Variants in BIVM observed in about 807,000 individuals in gnomAD.
BIVM encodes the protein basic, immunoglobulin-like variable motif containing, also known as basic immunoglobulin-like variable motif-containing protein.
In BIVM, 31 loss-of-function variants were observed where a neutral mutation model predicts 61.4. That is an observed-to-expected ratio of 0.51 (90% CI 0.38 to 0.68). The LOEUF is 0.68. Ranked by LOEUF, BIVM falls within the 30% of genes least tolerant of loss-of-function variation. The pLI is 0.00. For synonymous variants in BIVM, 189 were observed against 210.7 expected, an observed-to-expected ratio of 0.90 and a Z score of 0.89; for missense variants, 526 against 596.0, an observed-to-expected ratio of 0.88 and a Z score of 1.22.
chr13:102,804,229 C>T (rs1245798720), intron 1 of BIVM, among the ~76,000 whole-genome samples: 2 of 152,200 alleles, frequency 1.3e-5, no homozygotes, highest in Non-Finnish European at 2.9e-5. Context: ...CTCAACGCAA[C>T]CTCCACCTTC....
chr13:102,821,774 C>T lies in BIVM; in HGVS notation c.733C>T (p.His245Tyr). The T allele has an allele frequency of 3.1e-6, 5 of 1,613,944 alleles. No individual in the cohort carries two copies. Among genetic ancestry groups the T allele is most frequent in the Non-Finnish European group, 4.2e-6 (5 of 1,179,946 alleles). Reference sequence around the variant, plus strand: ...ACCTATTACCCAAGAAGAAGCTTTACATATTCTGGGCTTTCAACCTCCATT... The same window carrying T: ...ACCTATTACCCAAGAAGAAGCTTTATATATTCTGGGCTTTCAACCTCCATT... ...LPPITQEEAL[H>Y]ILGFQPPFED... Residue 245 changes from histidine (H) to tyrosine (Y), a missense_variant, in exon 6 of 11, where the codon CAT becomes TAT. Physicochemically the swap from His to Tyr is moderately conservative, Grantham distance 83. This residue lies in a region of BIVM where 312 missense variants were observed against 343.8 expected (regional missense o/e 0.91). Coordinates refer to ENST00000257336, the MANE Select transcript of BIVM (RefSeq NM_017693.4).
In BIVM at chr13:102,839,966, G is replaced by A. The variant is rs1444656499; in HGVS notation, c.*101G>A. On this transcript the variant is annotated 3_prime_UTR_variant, in exon 11 of 11. Transcript: ENST00000257336. ...TTTAGTAAGCCTACATTAAATAGGA[G>A]CAGATCTTGTGGTATAAAAAATAAC... The A allele has an allele frequency of 8.7e-6, 11 of 1,259,974 alleles. No homozygotes were observed. Among genetic ancestry groups the A allele is most frequent in the Admixed American group, 4.6e-5 (2 of 43,074 alleles). The allele number at this position is 1,259,974 out of a possible 1,614,324, so 78.0% of individuals were successfully genotyped here.
At chr13:102,805,996 C>T (rs560366609) in intron 2 of BIVM, among the ~76,000 whole-genome samples, 142 of 152,244 alleles carry the variant, frequency 9.3e-4, no homozygotes, top group Non-Finnish European at 1.3e-3. Flanking sequence ...TCATCTGTCA[C>T]GGATATATAC....
intron 7 of BIVM, among the ~76,000 whole-genome samples, chr13:102,829,663 AC>A (rs572207139): frequency 4.6e-5 from 7 of 151,916 alleles, no homozygotes; most frequent in Non-Finnish European, 1.0e-4. Flanking sequence ...ACATAGTGAA[AC>A]CCCGTCTCTA....
Position 102,807,757 on chromosome 13 carries a change from G to C in BIVM, c.478+12G>C, listed in dbSNP as rs376449221. ...GAAACACAAATCAGGTAAGGAGGGA[G>C]CCATGAAGTTCATATGTGAAAATAA... On this transcript the variant is annotated intron_variant, in intron 3 of 10. Coordinates refer to ENST00000257336, the MANE Select transcript of BIVM (RefSeq NM_017693.4). This position sits in a 1 kb window ranked among gnomAD's most constrained non-coding sequence, Gnocchi z 4.0. 1 of 1,592,016 alleles carries C rather than the reference G, an allele frequency of 6.3e-7. No homozygotes were observed. Among genetic ancestry groups the C allele is most frequent in the African/African-American group, 1.4e-5 (1 of 74,056 alleles).
In BIVM at chr13:102,807,747, T is replaced by C; in HGVS notation, c.478+2T>C. On this transcript the variant is annotated splice_donor_variant, in intron 3 of 10. Coordinates refer to ENST00000257336, the MANE Select transcript of BIVM (RefSeq NM_017693.4). LOFTEE classifies it high-confidence loss of function. This position sits in a 1 kb window ranked among gnomAD's most constrained non-coding sequence, Gnocchi z 4.0. ...CCACAAATTCGAAACACAAATCAGGTAAGGAGGGAGCCATGAAGTTCATAT... is the reference window on the plus strand; with the variant it reads ...CCACAAATTCGAAACACAAATCAGGCAAGGAGGGAGCCATGAAGTTCATAT... 2.5e-6 allele frequency: 4 copies of C among 1,602,868 alleles called. No individual in the cohort carries two copies. Among genetic ancestry groups the C allele is most frequent in the Non-Finnish European group, 3.4e-6 (4 of 1,174,650 alleles).
chr13:102,839,917 G>T lies in BIVM; in HGVS notation c.*52G>T. 2 of 1,519,172 alleles carry T rather than the reference G, an allele frequency of 1.3e-6. No homozygotes were observed. Among genetic ancestry groups the T allele is most frequent in the South Asian group, 1.2e-5 (1 of 80,734 alleles). 94.1% of individuals were successfully genotyped at this position (1,519,172 alleles called of 1,614,324 possible). On this transcript the variant is annotated 3_prime_UTR_variant, in exon 11 of 11. Transcript: ENST00000257336. Reference sequence around the variant, plus strand: ...TTATATATGAAACTGCTATATACAGGACTGTATAAAGACAGTAGAAGATTT... The same window carrying T: ...TTATATATGAAACTGCTATATACAGTACTGTATAAAGACAGTAGAAGATTT...
intron 7 of BIVM, among the ~76,000 whole-genome samples, chr13:102,823,427 G>A (rs762207354): frequency 6.6e-6 from 1 of 152,060 alleles, no homozygotes; most frequent in East Asian, 1.9e-4. Context: ...ATTTGTATAG[G>A]GTCAGTGTGA....
Position 102,807,349 on chromosome 13 carries a change from A to T in BIVM, c.82A>T (p.Asn28Tyr). 6.2e-7 allele frequency: 1 copy of T among 1,614,200 alleles called. No individual in the cohort carries two copies. Among genetic ancestry groups the T allele is most frequent in the South Asian group, 1.1e-5 (1 of 91,082 alleles). The change falls in exon 3 of 11, where the codon AAT becomes TAT. Residue 28 changes from asparagine to tyrosine, a missense_variant. Physicochemically the swap from Asn to Tyr is moderately radical, Grantham distance 143 (BLOSUM62 -2). Around this residue, in one of 3 missense-constraint regions of BIVM, gnomAD observed 312 missense variants for 343.8 expected, o/e 0.91. Transcript: ENST00000257336. This position sits in a 1 kb window ranked among gnomAD's most constrained non-coding sequence, Gnocchi z 4.0. ...ATCTGAGAGAAAGTCACCTGAAGAG[A>T]ATCTACAAGGTGCTGTAAAATCTTT... ...HKSERKSPEE[N>Y]LQGAVKSFCT...
At chr13:102,829,022 TTTTA>T (rs1216661767) in intron 7 of BIVM, among the ~76,000 whole-genome samples, 3 of 151,618 alleles carry the variant, frequency 2.0e-5, no homozygotes, top group Non-Finnish European at 4.4e-5. Context: ...TTTTTTTTTT[TTTTA>T]AAATAAAAAA....
At chr13:102,816,962 TTG>T (rs1482561869) in intron 4 of BIVM, 1 of 152,394 alleles carries the variant, frequency 6.6e-6, no homozygotes, top group Non-Finnish European at 1.5e-5. Flanking sequence ...CACAATACTT[TTG>T]TCATACTTAA....
At chr13:102,838,525 G>C in intron 9 of BIVM, 118 bp from the exon 10 acceptor site, 1 of 765,556 alleles carries the variant, frequency 1.3e-6, no homozygotes, top group Non-Finnish European at 2.0e-6. Flanking sequence ...TGAGATAAGA[G>C]AATTACTGCC....
chr13:102,813,664 G>A (rs1193298402), intron 3 of BIVM, among the ~76,000 whole-genome samples: 1 of 152,054 alleles, frequency 6.6e-6, no homozygotes, highest in Admixed American at 6.6e-5. Context: ...TAGAGAGTGG[G>A]ACTATTATGT....
At chr13:102,819,683 T>C (rs1383807003) in intron 4 of BIVM, among the ~76,000 whole-genome samples, 4 of 152,024 alleles carry the variant, frequency 2.6e-5, no homozygotes, top group Admixed American at 6.6e-5. Flanking sequence ...AATGGGTTGA[T>C]AGATGCAGCA....
intron 7 of BIVM, among the ~76,000 whole-genome samples, chr13:102,823,313 T>C (rs1880426372): frequency 6.6e-6 from 1 of 152,236 alleles, no homozygotes; most frequent in African/African-American, 2.4e-5. Flanking sequence ...GTTGGTTACT[T>C]GGAGGCAGGC....
intron 7 of BIVM, among the ~76,000 whole-genome samples, chr13:102,830,075 T>C (rs1249452097): frequency 2.0e-5 from 3 of 152,188 alleles, no homozygotes; most frequent in Admixed American, 2.0e-4. Flanking sequence ...GTCTAGATTG[T>C]TGAAATCCTG....
In BIVM at chr13:102,839,624, G is replaced by T; in HGVS notation, c.1271G>T (p.Arg424Ile). 6.2e-7 allele frequency: 1 copy of T among 1,614,184 alleles called. No homozygotes were observed. The highest frequency in any genetic ancestry group is 1.1e-5 in the South Asian group (1 of 91,084). The change falls in exon 11 of 11, where the codon AGA becomes ATA. Residue 424 changes from arginine to isoleucine, a missense_variant. Arg to Ile is a moderately conservative substitution (Grantham distance 97). This residue lies in a region of BIVM where 210 missense variants were observed against 233.1 expected (regional missense o/e 0.90). Coordinates refer to ENST00000257336, the MANE Select transcript of BIVM (RefSeq NM_017693.4). ...GCATTCCAGAGACTTAACTGGCAAA[G>T]ATTTGGCCTTTGGAACTTTCCATTT... ...IIAFQRLNWQRFGLWNFPFGT... is the reference protein window; with the variant it reads ...IIAFQRLNWQIFGLWNFPFGT...
intron 1 of BIVM, chr13:102,801,766 A>T (rs1878768779): frequency 6.6e-6 from 1 of 152,238 alleles, no homozygotes; most frequent in Admixed American, 6.5e-5. Flanking sequence ...ATATGCACAG[A>T]AGTAAGTGTA....
rs1011966513 is a variant in BIVM at position 102,839,961 on chromosome 13, TAGG to T, written c.*99_*101del. ...AAGATTTTAGTAAGCCTACATTAAA[TAGG>T]AGCAGATCTTGTGGTATAAAAAATA... On this transcript the variant is annotated 3_prime_UTR_variant, in exon 11 of 11. Coordinates refer to ENST00000257336, the MANE Select transcript of BIVM (RefSeq NM_017693.4). The T allele has an allele frequency of 1.5e-5, 19 of 1,282,076 alleles. No individual in the cohort carries two copies. The African/African-American group carries it at 2.7e-4, about 18-fold the overall frequency. The allele number at this position is 1,282,076 out of a possible 1,614,324, so 79.4% of individuals were successfully genotyped here. A position where few individuals can be genotyped will look rare whatever the true frequency, so the allele number is the denominator to read the frequency against.
Sources: gnomAD v4.1 joint callset for allele counts (sites outside exome capture counted in the v4.1 genomes callset) on GRCh38, gnomAD v4.1.1 for gene constraint, gnomAD v4.1.1 regional missense constraint, Gnocchi (gnomAD v3.1) non-coding constraint, MANE v1.5 for transcripts, NCBI Gene and HGNC (gene_info 2026-07-23, HGNC 2026-07-21) for gene names.